The following MTUS2 variants were observed in gnomAD, a reference collection of about 807,000 sequenced individuals.
MTUS2 encodes microtubule associated scaffold protein 2.
A neutral mutation model predicts 114.1 loss-of-function variants in MTUS2; 40 were observed. The observed-to-expected ratio is 0.35, with a 90% CI of 0.27 to 0.46. MTUS2 has a LOEUF of 0.46. Among genes scored for constraint, MTUS2 ranks in the 20% least tolerant of loss-of-function variants. The pLI is 1.00. For missense variants in MTUS2, 1,679 were observed against 1,705.4 expected (o/e 0.98, Z 0.27); for synonymous variants, 688 against 672.0 (o/e 1.02, Z -0.37).
rs1876830841 is a variant in MTUS2, at chr13:29,429,490, C to T, written c.3118-10493C>T. ...GAGTCTGAGGGTGTGTTCAAGTCTT[C>T]ACAGGAGAAAAATTCACAGCCAGGG... On this transcript the variant is annotated intron_variant, in intron 8 of 15. Coordinates refer to ENST00000612955, the MANE Select transcript of MTUS2 (RefSeq NM_001033602.4). 2.6e-5 allele frequency among the ~76,000 whole-genome samples: 4 copies of T among 152,204 alleles called. 1 individual carries two copies. The highest frequency in any genetic ancestry group is 2.6e-4 in the Admixed American group (4 of 15,282).
intron 2 of MTUS2, among the ~76,000 whole-genome samples, chr13:28,953,194 A>G (rs528087403): frequency 7.1e-6 from 1 of 140,340 alleles, no homozygotes; most frequent in African/African-American, 2.7e-5. Context: ...ACATTTTTCT[A>G]CTGAGTTGCT....
chr13:29,332,665 C>T (rs1287804857), intron 7 of MTUS2, among the ~76,000 whole-genome samples: 8 of 144,404 alleles, frequency 5.5e-5, no homozygotes, highest in East Asian at 4.1e-4. Context: ...CACAGAGTCT[C>T]GCTCAGTCGC....
intron 8 of MTUS2, among the ~76,000 whole-genome samples, chr13:29,383,217 A>AAT (rs1385481304): frequency 1.1e-4 from 12 of 105,574 alleles, no homozygotes; most frequent in Middle Eastern, 5.2e-3. Flanking sequence ...AGGAAAATTG[A>AAT]GTGTGTGTGT....
intron 8 of MTUS2, among the ~76,000 whole-genome samples, chr13:29,389,349 G>GTGTGTA (rs1872920669): frequency 2.2e-4 from 17 of 78,364 alleles, no homozygotes; most frequent in Admixed American, 5.6e-4. Context: ...ATGCACGTGT[G>GTGTGTA]TGTATATATG....
intron 6 of MTUS2, among the ~76,000 whole-genome samples, chr13:29,287,973 G>T (rs1272046986): frequency 6.6e-6 from 1 of 152,198 alleles, no homozygotes; most frequent in African/African-American, 2.4e-5. Context: ...TGTCAGTCCT[G>T]GTCAGGAGGC....
At chr13:29,071,409 A>T (rs1264956463) in intron 4 of MTUS2, among the ~76,000 whole-genome samples, 2 of 46,082 alleles carry the variant, frequency 4.3e-5, no homozygotes, top group African/African-American at 1.1e-4. Context: ...TGTTGCTTGA[A>T]TTTTTTTTTT....
intron 2 of MTUS2, among the ~76,000 whole-genome samples, chr13:28,883,482 T>C (rs1878414309): frequency 6.6e-6 from 1 of 152,240 alleles, no homozygotes; most frequent in South Asian, 2.1e-4. Flanking sequence ...GAATGAGCTG[T>C]TGATACATGC....
intron 13 of MTUS2, 78 bp downstream of exon 13, chr13:29,497,414 G>C (rs932654401): frequency 7.7e-7 from 1 of 1,298,870 alleles, no homozygotes; most frequent in Non-Finnish European, 1.1e-6. Flanking sequence ...CAGCAGTCTC[G>C]TCCCAAGACA....
intron 7 of MTUS2, among the ~76,000 whole-genome samples, chr13:29,327,147 AGT>A (rs1900554859): frequency 2.8e-5 from 1 of 36,204 alleles, no homozygotes; most frequent in Non-Finnish European, 1.3e-4. Context: ...AAAATGTATA[AGT>A]AAAAGGATGG....
At chr13:28,961,093 GAA>G (rs1393169230) in intron 2 of MTUS2, among the ~76,000 whole-genome samples, 4 of 152,074 alleles carry the variant, frequency 2.6e-5, no homozygotes, top group Non-Finnish European at 4.4e-5. Flanking sequence ...AAACAACAGA[GAA>G]AATAAATTAA....
intron 5 of MTUS2, among the ~76,000 whole-genome samples, chr13:29,278,733 A>C (rs1898158255): frequency 6.6e-6 from 1 of 152,212 alleles, no homozygotes; most frequent in African/African-American, 2.4e-5. Flanking sequence ...TGTCAGTGGA[A>C]TTGATGATGT....
At chr13:29,077,811 A>G (rs747578228) in intron 4 of MTUS2, among the ~76,000 whole-genome samples, 33 of 152,206 alleles carry the variant, frequency 2.2e-4, no homozygotes, top group African/African-American at 7.0e-4. Context: ...ACGTTTGACA[A>G]TGTTGGATGG....
chr13:29,269,225 C>T (rs570897794), intron 5 of MTUS2, among the ~76,000 whole-genome samples: 1 of 152,224 alleles, frequency 6.6e-6, no homozygotes, highest in African/African-American at 2.4e-5. Flanking sequence ...AACTCAATCT[C>T]TTCCTGGAGA....
chr13:29,152,592 A>G (rs1269449681), intron 5 of MTUS2, among the ~76,000 whole-genome samples: 1 of 152,188 alleles, frequency 6.6e-6, no homozygotes. Context: ...AAGCTCACTC[A>G]CATGGCTGCT....
chr13:28,866,237 T>C (rs962987837), intron 2 of MTUS2, among the ~76,000 whole-genome samples: 3 of 152,332 alleles, frequency 2.0e-5, no homozygotes, highest in East Asian at 3.9e-4. Context: ...ATTACTGCAC[T>C]ATCTCGTTGT....
At position 29,503,355 on chromosome 13, in the gene MTUS2, G is replaced by T. The variant is rs959542846; in HGVS notation, c.*149G>T. 1.3e-6 allele frequency: 1 copy of T among 797,156 alleles called. No homozygotes were observed. Among genetic ancestry groups the T allele is most frequent in the South Asian group, 1.7e-5 (1 of 58,558 alleles). The allele number at this position is 797,156 out of a possible 1,614,324, so 49.4% of individuals were successfully genotyped here. A position where few individuals can be genotyped will look rare whatever the true frequency, so the allele number is the denominator to read the frequency against. On this transcript the variant is annotated 3_prime_UTR_variant, in exon 16 of 16. Transcript: ENST00000612955. Reference sequence around the variant, plus strand: ...AGGCGCGTCCTCCTCTGATCCCCGTGTAAGACTGCCCTGGTGTCGGCACTT... The same window carrying T: ...AGGCGCGTCCTCCTCTGATCCCCGTTTAAGACTGCCCTGGTGTCGGCACTT...
At chr13:28,896,481 G>A (rs982932306) in intron 2 of MTUS2, among the ~76,000 whole-genome samples, 3 of 152,208 alleles carry the variant, frequency 2.0e-5, no homozygotes, top group Admixed American at 1.3e-4. Flanking sequence ...ACTGTCCAAA[G>A]TAATTTATAG....
intron 2 of MTUS2, among the ~76,000 whole-genome samples, chr13:28,971,892 C>T (rs1238174949): frequency 6.6e-6 from 1 of 152,190 alleles, no homozygotes; most frequent in African/African-American, 2.4e-5. Flanking sequence ...CAAAGCTTGC[C>T]TTGTAAATAA....
chr13:29,224,520 A>C (rs1896031758), intron 5 of MTUS2, among the ~76,000 whole-genome samples: 1 of 151,928 alleles, frequency 6.6e-6, no homozygotes. Context: ...AATTCTAATT[A>C]TATCTCTCCT....
Sources: allele counts gnomAD v4.1 joint callset (sites outside exome capture counted in the v4.1 genomes callset), GRCh38; gene constraint gnomAD v4.1.1; transcripts MANE v1.5; gene names NCBI Gene and HGNC (gene_info 2026-07-23, HGNC 2026-07-21).